Variants in ZFPM2 observed in about 807,000 individuals in gnomAD.
The protein encoded by ZFPM2 is zinc finger protein ZFPM2.
In ZFPM2, 20 loss-of-function variants were observed where a neutral mutation model predicts 98.6. The ratio of observed to expected loss-of-function variants is 0.20; its 90% confidence interval spans 0.14 to 0.29. The LOEUF (loss-of-function observed/expected upper bound fraction) is 0.29, where lower values mean the gene tolerates loss of function less well. ZFPM2 is among the 10% of genes least tolerant of loss of function. The pLI, the probability that ZFPM2 is intolerant of heterozygous loss-of-function variation, is 1.00. For synonymous variants in ZFPM2, 518 were observed against 502.7 expected (o/e 1.03, Z -0.41); for missense variants, 1,310 against 1,388.6 (o/e 0.94, Z 0.90).
intron 5 of ZFPM2, among the ~76,000 whole-genome samples, chr8:105,691,172 A>G (rs939503737): frequency 2.0e-5 from 3 of 148,988 alleles, no homozygotes; most frequent in African/African-American, 7.5e-5. Context: ...TCTACTGTTC[A>G]CATAGTTGCT....
chr8:105,525,592 TA>T (rs1327221420), intron 3 of ZFPM2, among the ~76,000 whole-genome samples: 1 of 152,178 alleles, frequency 6.6e-6, no homozygotes, highest in Non-Finnish European at 1.5e-5. Flanking sequence ...ATTGTGCAAC[TA>T]AATTTTCAAA....
chr8:105,795,246 TTG>T lies in ZFPM2; in HGVS notation c.740-3441_740-3440del, dbSNP rs780534248. On this transcript the variant is annotated intron_variant, in intron 6 of 7. Transcript: ENST00000407775. Reference sequence around the variant, plus strand: ...TTGGCTCCTCCCCCTCATTTTATCTTTGTGTGTGTGTGTGTGTGTGTGTGTGT... The same window carrying T: ...TTGGCTCCTCCCCCTCATTTTATCTTTGTGTGTGTGTGTGTGTGTGTGTGT... Among the ~76,000 whole-genome samples, 1,011 of 138,160 alleles carry T rather than the reference TTG, an allele frequency of 7.3e-3. 3 individuals are homozygous for T. Among genetic ancestry groups the T allele is most frequent in the African/African-American group, 0.015 (547 of 36,368 alleles). The allele number at this position is 138,160 out of a possible 152,430, so 90.6% of individuals were successfully genotyped here. A position where few individuals can be genotyped will look rare whatever the true frequency, so the allele number is the denominator to read the frequency against.
At chr8:105,501,629 G>A (rs1298056275) in intron 3 of ZFPM2, among the ~76,000 whole-genome samples, 2 of 150,312 alleles carry the variant, frequency 1.3e-5, no homozygotes, top group Admixed American at 6.7e-5. Flanking sequence ...TCAGCCTCCC[G>A]AGTAGCTGGG....
chr8:105,794,075 G>A (rs183032760), intron 6 of ZFPM2, among the ~76,000 whole-genome samples: 3 of 152,214 alleles, frequency 2.0e-5, no homozygotes, highest in East Asian at 1.9e-4. Context: ...CTCTCAACTC[G>A]TCGAAGTCCT....
Position 105,803,881 on chromosome 8 carries a change from C to CACAA in ZFPM2, c.*344_*347dup, listed in dbSNP as rs10690000. 18,012 of 181,350 alleles carry CACAA rather than the reference C, an allele frequency of 0.099. 2,420 individuals are homozygous for CACAA. Among genetic ancestry groups the CACAA allele is most frequent in the African/African-American group, 0.33 (13,881 of 42,022 alleles). The allele number at this position is 181,350 out of a possible 1,614,324, so 11.2% of individuals were successfully genotyped here. A position where few individuals can be genotyped will look rare whatever the true frequency, so the allele number is the denominator to read the frequency against. On this transcript the variant is annotated 3_prime_UTR_variant, in exon 8 of 8. Coordinates refer to ENST00000407775, the MANE Select transcript of ZFPM2 (RefSeq NM_012082.4). Reference sequence around the variant, plus strand: ...TATAGTAGCTTTTAAAGAAAATAGTCACAATACAGAAAAGCATTTTAGAAA... The same window carrying CACAA: ...TATAGTAGCTTTTAAAGAAAATAGTCACAAACAATACAGAAAAGCATTTTAGAAA...
Position 105,801,256 on chromosome 8 carries a change from C to A in ZFPM2, c.1174C>A (p.Pro392Thr), listed in dbSNP as rs1813996525. 1.2e-6 allele frequency: 2 copies of A among 1,613,912 alleles called. No individual in the cohort carries two copies. Among genetic ancestry groups the A allele is most frequent in the East Asian group, 4.5e-5 (2 of 44,866 alleles). ...QELHVPSGKL[P>T]RESDMEHSPS... ...GCTCCATGTCCCTAGCGGCAAACTTCCCAGAGAAAGTGACATGGAACACTC... is the reference window on the plus strand; with the variant it reads ...GCTCCATGTCCCTAGCGGCAAACTTACCAGAGAAAGTGACATGGAACACTC... The change falls in exon 8 of 8, where the codon CCC becomes ACC. Residue 392 changes from proline (P) to threonine (T), a missense_variant. Coordinates refer to ENST00000407775, the MANE Select transcript of ZFPM2 (RefSeq NM_012082.4).
rs1297702130 is a variant in ZFPM2 at position 105,441,459 on chromosome 8, A to G, written c.200-2821A>G. On this transcript the variant is annotated intron_variant, in intron 2 of 7. Transcript: ENST00000407775. ...AAGAGAGAGAGAGAGAGAGAGAAAG[A>G]AAGAAAGAAAGAAAGAAAGAAAGAA... Among the ~76,000 whole-genome samples the G allele has an allele frequency of 3.3e-3, 314 of 96,296 alleles. 27 individuals are homozygous for G. The highest frequency in any genetic ancestry group is 7.2e-3 in the Admixed American group (62 of 8,618). The allele number at this position is 96,296 out of a possible 152,430, so 63.2% of individuals were successfully genotyped here.
At chr8:105,742,852 T>C (rs535331586) in intron 5 of ZFPM2, among the ~76,000 whole-genome samples, 2 of 152,242 alleles carry the variant, frequency 1.3e-5, no homozygotes, top group East Asian at 3.9e-4. Flanking sequence ...GCCATTGCAC[T>C]CCAGCCTAGG....
In ZFPM2 at chr8:105,802,673, A is replaced by C; in HGVS notation, c.2591A>C (p.Asn864Thr). Residue 864 changes from asparagine (N) to threonine (T), a missense_variant, in exon 8 of 8, where the codon AAT (asparagine) becomes ACT (threonine). Asn to Thr is a moderately conservative substitution (Grantham distance 65). Coordinates refer to ENST00000407775, the MANE Select transcript of ZFPM2 (RefSeq NM_012082.4). Reference protein sequence around the residue: ...HECTVCKISFNKVENYLAHKQ... With the variant: ...HECTVCKISFTKVENYLAHKQ... ...TGCACTGTGTGCAAGATCAGTTTCA[A>C]TAAGGTAGAAAACTATCTGGCCCAC... 1 of 1,611,096 alleles carries C rather than the reference A, an allele frequency of 6.2e-7. No homozygotes were observed. The highest frequency in any genetic ancestry group is 8.5e-7 in the Non-Finnish European group (1 of 1,178,622).
chr8:105,351,863 C>G (rs553011796), intron 1 of ZFPM2, among the ~76,000 whole-genome samples: 1 of 151,622 alleles, frequency 6.6e-6, no homozygotes, highest in Non-Finnish European at 1.5e-5. Context: ...GCAAAACTTT[C>G]GATATTTAAT....
At chr8:105,327,758 C>A (rs1465384438) in intron 1 of ZFPM2, among the ~76,000 whole-genome samples, 1 of 151,704 alleles carries the variant, frequency 6.6e-6, no homozygotes, top group Non-Finnish European at 1.5e-5. Flanking sequence ...ATTTATAATT[C>A]ACTGACAAAA....
Position 105,330,621 on chromosome 8 carries a change from T to TATACATATATATATATACAC in ZFPM2, c.40+11643_40+11644insCATATATATATATACACATA, listed in dbSNP as rs771219736. Among the ~76,000 whole-genome samples, 5 of 104,626 alleles carry TATACATATATATATATACAC rather than the reference T, an allele frequency of 4.8e-5. No homozygotes were observed. In the South Asian group the frequency reaches 8.6e-4, roughly 18 times the overall value. 68.6% of individuals were successfully genotyped at this position (104,626 alleles called of 152,430 possible). On this transcript the variant is annotated intron_variant, in intron 1 of 7. Transcript: ENST00000407775. ...ATATATATATATATACACATATATA[T>TATACATATATATATATACAC]ATATATATATACATATATATATATA... is the stretch of plus-strand genomic sequence containing the variant.
In ZFPM2 at chr8:105,801,378, G is replaced by A. The variant is rs376236997; in HGVS notation, c.1296G>A (p.Ala432=). 108 of 1,613,766 alleles carry A rather than the reference G, an allele frequency of 6.7e-5. No homozygotes were observed. Among genetic ancestry groups the A allele is most frequent in the Non-Finnish European group, 8.6e-5 (101 of 1,179,876 alleles). The change falls in exon 8 of 8, where the codon GCG becomes GCA. Residue 432 remains alanine, a synonymous_variant. Coordinates refer to ENST00000407775, the MANE Select transcript of ZFPM2 (RefSeq NM_012082.4). ...QSQKAMQTKD[A]SSDTELDKCE... is the part of the protein sequence containing the mutation. ...AAAAGGCCATGCAGACTAAAGATGC[G>A]AGCTCTGACACAGAGCTGGACAAGT...
chr8:105,798,986 A>ACTC (rs1813920579), intron 7 of ZFPM2, 38 bp downstream of exon 7: 2 of 1,551,514 alleles, frequency 1.3e-6, no homozygotes, highest in Admixed American at 3.5e-5. Flanking sequence ...GCTCCAGAAG[A>ACTC]CTCTGTTATT....
chr8:105,517,707 CCACACACACA>C (rs1554613621), intron 3 of ZFPM2, among the ~76,000 whole-genome samples: 2 of 124,890 alleles, frequency 1.6e-5, no homozygotes, highest in South Asian at 3.0e-4. Context: ...CACACACACA[CCACACACACA>C]CACACACACA....
chr8:105,785,168 A>ATAT (rs1428279820), intron 5 of ZFPM2: 1 of 152,060 alleles, frequency 6.6e-6, no homozygotes, highest in Non-Finnish European at 1.5e-5. Context: ...CACTTCCAAA[A>ATAT]TATTTTTTTT....
chr8:105,330,553 CATATATATATATAT>C (rs61051244), intron 1 of ZFPM2, among the ~76,000 whole-genome samples: 2 of 92,438 alleles, frequency 2.2e-5, no homozygotes, highest in African/African-American at 7.6e-5. Context: ...TATATATATA[CATATATATATATAT>C]ACATATATAT....
intron 5 of ZFPM2, chr8:105,684,794 G>C (rs537285060): frequency 6.6e-6 from 1 of 151,960 alleles, no homozygotes; most frequent in African/African-American, 2.4e-5. Flanking sequence ...AAAATCTCTA[G>C]TGCTTAGCAT....
chr8:105,475,615 A>T (rs572437151), intron 3 of ZFPM2, among the ~76,000 whole-genome samples: 2 of 152,322 alleles, frequency 1.3e-5, no homozygotes, highest in East Asian at 3.9e-4. Context: ...ATAAATTTGG[A>T]TATGCATGGT....
Sources: allele counts gnomAD v4.1 joint callset (sites outside exome capture counted in the v4.1 genomes callset), GRCh38; gene constraint gnomAD v4.1.1; transcripts MANE v1.5; gene names NCBI Gene and HGNC (gene_info 2026-07-23, HGNC 2026-07-21).